Variants in SDHAF3 observed in about 807,000 individuals in gnomAD.
The protein encoded by SDHAF3 is succinate dehydrogenase assembly factor 3, mitochondrial.
A neutral mutation model predicts 11.5 loss-of-function variants in SDHAF3; 18 were observed. That is an observed-to-expected ratio of 1.56 (90% CI 1.08 to 2.32). The LOEUF (loss-of-function observed/expected upper bound fraction) is 2.32, where lower values mean the gene tolerates loss of function less well. SDHAF3 is among the 30% of genes most tolerant of loss of function. The probability of loss-of-function intolerance (pLI) is 0.00; values close to 1 mark genes in which losing one functional copy is unlikely to be tolerated. For missense variants in SDHAF3, 200 were observed against 154.4 expected (o/e 1.30, Z -1.57); for synonymous variants, 72 against 59.3 (o/e 1.21, Z -0.99).
chr7:97,125,738 T>C (rs1016295821), intron 1 of SDHAF3, among the ~76,000 whole-genome samples: 1 of 152,232 alleles, frequency 6.6e-6, no homozygotes, highest in African/African-American at 2.4e-5. Context: ...TCCTGTAACC[T>C]TTTGTCAGAG....
Position 97,160,661 on chromosome 7 carries a change from C to T in SDHAF3, c.175-20351C>T, listed in dbSNP as rs577705369. 6.6e-5 allele frequency among the ~76,000 whole-genome samples: 10 copies of T among 152,202 alleles called. No individual in the cohort carries two copies. The South Asian group carries it at 1.0e-3, about 16-fold the overall frequency. ...ATGGAAAAGTGTCCAAATGGAGATG[C>T]GCTGTAAGCGGTTGTAAATATGTGA... On this transcript the variant is annotated intron_variant, in intron 1 of 1. Coordinates refer to ENST00000432641, the MANE Select transcript of SDHAF3 (RefSeq NM_020186.3).
At chr7:97,139,019 C>G (rs1053706991) in intron 1 of SDHAF3, among the ~76,000 whole-genome samples, 2 of 152,238 alleles carry the variant, frequency 1.3e-5, no homozygotes, top group Non-Finnish European at 2.9e-5. Flanking sequence ...ACAGCTCATT[C>G]AGTCCCACTG....
chr7:97,147,346 TC>T (rs1789151762), intron 1 of SDHAF3, among the ~76,000 whole-genome samples: 1 of 152,218 alleles, frequency 6.6e-6, no homozygotes, highest in South Asian at 2.1e-4. Flanking sequence ...GTTTCTTCTT[TC>T]AGTAAATTTG....
At chr7:97,157,044 A>G (rs1789312994) in intron 1 of SDHAF3, among the ~76,000 whole-genome samples, 1 of 152,000 alleles carries the variant, frequency 6.6e-6, no homozygotes, top group Non-Finnish European at 1.5e-5. Context: ...TTTAAGTGAG[A>G]ACATGTGGTG....
rs140631294 is a variant in SDHAF3, at chr7:97,132,775, C to T, written c.174+14878C>T. ...GGTGGAAGACAGGTAAATAGGCTCC[C>T]CTTGGCTTAGAAACCAGTAGGCTTC... On this transcript the variant is annotated intron_variant, in intron 1 of 1. Transcript: ENST00000432641. Among the ~76,000 whole-genome samples, 185 of 152,170 alleles carry T rather than the reference C, an allele frequency of 1.2e-3. 1 individual carries two copies. The highest frequency in any genetic ancestry group is 3.4e-3 in the Middle Eastern group (1 of 294).
At chr7:97,173,291 A>T (rs1349939607) in intron 1 of SDHAF3, among the ~76,000 whole-genome samples, 4 of 152,202 alleles carry the variant, frequency 2.6e-5, no homozygotes, top group South Asian at 4.1e-4. Flanking sequence ...ATGTATATGC[A>T]TGTGTATATA....
At chr7:97,151,897 C>T (rs1358158032) in intron 1 of SDHAF3, among the ~76,000 whole-genome samples, 1 of 152,066 alleles carries the variant, frequency 6.6e-6, no homozygotes, top group East Asian at 1.9e-4. Flanking sequence ...TCCACTGGTT[C>T]CCTGCTGTTC....
Position 97,122,275 on chromosome 7 carries a change from G to T in SDHAF3, c.174+4378G>T, listed in dbSNP as rs191805961. Among the ~76,000 whole-genome samples, 4 of 152,258 alleles carry T rather than the reference G, an allele frequency of 2.6e-5. No individual in the cohort carries two copies. In the East Asian group the frequency reaches 5.8e-4, roughly 22 times the overall value. On this transcript the variant is annotated intron_variant, in intron 1 of 1. Coordinates refer to ENST00000432641, the MANE Select transcript of SDHAF3 (RefSeq NM_020186.3). ...GCAGGAGACAGGATATTCTGCTAAG[G>T]GTTTTAAGTTTTTATTTTGAATCAT...
chr7:97,154,102 G>A (rs1789267911), intron 1 of SDHAF3, among the ~76,000 whole-genome samples: 1 of 152,024 alleles, frequency 6.6e-6, no homozygotes, highest in Non-Finnish European at 1.5e-5. Flanking sequence ...GCAATGTTTT[G>A]CAGGCAGGGG....
intron 1 of SDHAF3, among the ~76,000 whole-genome samples, chr7:97,172,786 T>C (rs1279032494): frequency 1.3e-5 from 2 of 152,230 alleles, no homozygotes; most frequent in African/African-American, 4.8e-5. Flanking sequence ...TGGTATGTCT[T>C]ACTTGGATTT....
chr7:97,160,392 A>G (rs1260785107), intron 1 of SDHAF3, among the ~76,000 whole-genome samples: 2 of 152,112 alleles, frequency 1.3e-5, no homozygotes, highest in Admixed American at 1.3e-4. Flanking sequence ...GGTGTACCCA[A>G]TAGCTCTGAA....
chr7:97,148,930 C>CT (rs36056301), intron 1 of SDHAF3, among the ~76,000 whole-genome samples: 16,750 of 139,178 alleles, frequency 0.12, 1,011 homozygotes, highest in Admixed American at 0.17. Flanking sequence ...AGATTTGTGT[C>CT]TTTTTTTTTT....
intron 1 of SDHAF3, among the ~76,000 whole-genome samples, chr7:97,135,937 T>A (rs1329664542): frequency 1.3e-5 from 2 of 151,914 alleles, no homozygotes; most frequent in Admixed American, 1.3e-4. Context: ...TCCGCCCGCC[T>A]CGGCCTCCCA....
At chr7:97,168,620 G>A (rs185443556) in intron 1 of SDHAF3, among the ~76,000 whole-genome samples, 275 of 152,252 alleles carry the variant, frequency 1.8e-3, no homozygotes, top group African/African-American at 6.5e-3. Flanking sequence ...TAATCTTAAG[G>A]TGTGGGCTAA....
intron 1 of SDHAF3, among the ~76,000 whole-genome samples, chr7:97,172,369 A>G (rs1584234336): frequency 6.6e-6 from 1 of 152,152 alleles, no homozygotes; most frequent in African/African-American, 2.4e-5. Context: ...GAATGGGTCC[A>G]GTAGCTTTTC....
At chr7:97,130,603 A>G (rs1186757256) in intron 1 of SDHAF3, among the ~76,000 whole-genome samples, 1 of 152,122 alleles carries the variant, frequency 6.6e-6, no homozygotes, top group South Asian at 2.1e-4. Context: ...CACCCCTCCA[A>G]TGCTTCCTGT....
intron 1 of SDHAF3, among the ~76,000 whole-genome samples, chr7:97,178,366 T>C (rs1789717853): frequency 6.6e-6 from 1 of 152,220 alleles, no homozygotes. Context: ...GTTCCTGTTC[T>C]CAGTTATTTT....
At chr7:97,146,243 A>G (rs73708874) in intron 1 of SDHAF3, among the ~76,000 whole-genome samples, 1,861 of 152,100 alleles carry the variant, frequency 0.012, 40 homozygotes, top group African/African-American at 0.042. Flanking sequence ...TGTCCTGTCT[A>G]TTATTAGTTT....
chr7:97,142,042 CTTTTTTT>C (rs71131003), intron 1 of SDHAF3, among the ~76,000 whole-genome samples: 135 of 61,676 alleles, frequency 2.2e-3, no homozygotes, highest in African/African-American at 7.6e-3. Context: ...GAATTGTTGT[CTTTTTTT>C]TTTTTTTTTT....
Sources: gnomAD v4.1 joint callset for allele counts (sites outside exome capture counted in the v4.1 genomes callset) on GRCh38, gnomAD v4.1.1 for gene constraint, MANE v1.5 for transcripts, NCBI Gene and HGNC (gene_info 2026-07-23, HGNC 2026-07-21) for gene names.